NSMCE2: variants seen among roughly 807,000 people sequenced by gnomAD.
NSMCE2 encodes the protein NSE2 SUMO ligase component of SMC5/6 complex, also known as E3 SUMO-protein ligase NSE2.
In NSMCE2, 24 loss-of-function variants were observed where a neutral mutation model predicts 23.8. The observed-to-expected ratio is 1.01, with a 90% CI of 0.73 to 1.42. The LOEUF is 1.42. NSMCE2 is among the 40% of genes most tolerant of loss of function. The pLI is 0.00. For synonymous variants in NSMCE2, 92 were observed against 94.1 expected, an observed-to-expected ratio of 0.98 and a Z score of 0.13; for missense variants, 284 against 296.5, an observed-to-expected ratio of 0.96 and a Z score of 0.31.
At chr8:125,303,689 C>T (rs1828650395) in intron 5 of NSMCE2, among the ~76,000 whole-genome samples, 1 of 152,050 alleles carries the variant, frequency 6.6e-6, no homozygotes, top group Non-Finnish European at 1.5e-5. Flanking sequence ...ACATACTCAA[C>T]AAAAATGGAG....
chr8:125,231,293 A>G (rs150494408), intron 5 of NSMCE2, among the ~76,000 whole-genome samples: 143 of 152,350 alleles, frequency 9.4e-4, no homozygotes, highest in African/African-American at 3.2e-3. Flanking sequence ...ATGGTTGCTG[A>G]CATCCCTTCA....
At chr8:125,182,511 C>T (rs1167970838) in intron 5 of NSMCE2, 1 of 486,764 alleles carries the variant, frequency 2.1e-6, no homozygotes, top group African/African-American at 2.0e-5. Context: ...GTGTATTGTC[C>T]CATTGCTGGG....
intron 4 of NSMCE2, 157 bp downstream of exon 4, chr8:125,151,434 G>A (rs1489850166): frequency 6.8e-6 from 3 of 444,204 alleles, no homozygotes; most frequent in Admixed American, 3.8e-5. Flanking sequence ...TCATAAAATT[G>A]GAATCCTAAG....
chr8:125,151,246 A>T lies in NSMCE2; in HGVS notation c.233A>T (p.Tyr78Phe). ...ACATTGGATCGGCAACTAAACCATTATGTAAAGGCTGTTCAATCTACAATA... is the reference window on the plus strand; with the variant it reads ...ACATTGGATCGGCAACTAAACCATTTTGTAAAGGCTGTTCAATCTACAATA... ...FATLDRQLNH[Y>F]VKAVQSTINH... Residue 78 changes from tyrosine to phenylalanine, a missense_variant, in exon 4 of 8, where the codon TAT becomes TTT. Around this residue, in one of 2 missense-constraint regions of NSMCE2, gnomAD observed 182 missense variants for 155.5 expected, o/e 1.17. Transcript: ENST00000287437. 5 of 1,601,424 alleles carry T rather than the reference A, an allele frequency of 3.1e-6. No homozygotes were observed. Among genetic ancestry groups the T allele is most frequent in the Non-Finnish European group, 4.3e-6 (5 of 1,169,088 alleles).
intron 5 of NSMCE2, among the ~76,000 whole-genome samples, chr8:125,194,852 TTTTAA>T (rs1368776464): frequency 1.3e-5 from 2 of 152,270 alleles, no homozygotes; most frequent in African/African-American, 4.8e-5. Flanking sequence ...CTCATTGTGG[TTTTAA>T]TTTATGTTTT....
intron 4 of NSMCE2, among the ~76,000 whole-genome samples, chr8:125,166,167 AAATT>A (rs1486754161): frequency 5.3e-5 from 8 of 152,184 alleles, no homozygotes; most frequent in South Asian, 2.1e-4. Context: ...GGCACTTTGG[AAATT>A]AATTAATTCA....
chr8:125,314,637 C>G lies in NSMCE2; in HGVS notation c.419-42582C>G, dbSNP rs192872665. The stretch of plus-strand genomic sequence containing the variant: ...CGATCACTCCCTGAAAACAACCAAG[C>G]CAGGTGATGGTTGTCTACCAGTAAT... On this transcript the variant is annotated intron_variant, in intron 5 of 7. Transcript: ENST00000287437. Among the ~76,000 whole-genome samples the G allele has an allele frequency of 1.3e-3, 194 of 152,270 alleles. No homozygotes were observed. In the East Asian group the frequency reaches 0.019, roughly 15 times the overall value.
intron 3 of NSMCE2, among the ~76,000 whole-genome samples, chr8:125,139,282 C>T (rs996558984): frequency 1.3e-5 from 2 of 152,192 alleles, no homozygotes; most frequent in African/African-American, 4.8e-5. Context: ...CAGTGCTAGG[C>T]ACATGGTCTG....
At chr8:125,099,734 G>T (rs1440648267) in intron 1 of NSMCE2, among the ~76,000 whole-genome samples, 1 of 152,074 alleles carries the variant, frequency 6.6e-6, no homozygotes, top group African/African-American at 2.4e-5. Flanking sequence ...CCCTAGTGGG[G>T]GTGGGTTCCA....
At chr8:125,168,132 T>C (rs527288620) in intron 4 of NSMCE2, among the ~76,000 whole-genome samples, 1 of 152,318 alleles carries the variant, frequency 6.6e-6, no homozygotes, top group East Asian at 1.9e-4. Flanking sequence ...TTTTTTTTTG[T>C]GGACTACTTA....
At chr8:125,316,966 T>G (rs1829235514) in intron 5 of NSMCE2, among the ~76,000 whole-genome samples, 1 of 151,754 alleles carries the variant, frequency 6.6e-6, no homozygotes, top group South Asian at 2.1e-4. Flanking sequence ...TTCGTTTTTT[T>G]TTTAAGAGAT....
At chr8:125,184,375 G>GA (rs1046427721) in intron 5 of NSMCE2, among the ~76,000 whole-genome samples, 1 of 151,972 alleles carries the variant, frequency 6.6e-6, no homozygotes, top group African/African-American at 2.4e-5. Flanking sequence ...AATGGAGTTG[G>GA]AAAAAGAAAG....
intron 5 of NSMCE2, among the ~76,000 whole-genome samples, chr8:125,321,323 T>C (rs1829449228): frequency 6.6e-6 from 1 of 152,204 alleles, no homozygotes; most frequent in South Asian, 2.1e-4. Flanking sequence ...ATAATACCAA[T>C]GTTTGTATCA....
intron 7 of NSMCE2, among the ~76,000 whole-genome samples, chr8:125,364,643 T>C (rs888834818): frequency 3.9e-5 from 6 of 152,294 alleles, no homozygotes; most frequent in Middle Eastern, 3.4e-3. Flanking sequence ...GTGTGGGATA[T>C]ATGCAAGATA....
intron 4 of NSMCE2, among the ~76,000 whole-genome samples, chr8:125,151,581 T>C (rs531523027): frequency 2.0e-5 from 3 of 152,374 alleles, no homozygotes; most frequent in Non-Finnish European, 2.9e-5. Context: ...AAAAATTGCA[T>C]GCACCTTGTT....
At chr8:125,328,151 CTTTT>C (rs34667555) in intron 5 of NSMCE2, among the ~76,000 whole-genome samples, 1 of 141,648 alleles carries the variant, frequency 7.1e-6, no homozygotes. Flanking sequence ...TCTCACTGGC[CTTTT>C]TTTTTTTTTT....
At chr8:125,324,580 T>G (rs1342011581) in intron 5 of NSMCE2, among the ~76,000 whole-genome samples, 4 of 84,110 alleles carry the variant, frequency 4.8e-5, no homozygotes, top group East Asian at 3.8e-4. Flanking sequence ...TTCTTTTTTT[T>G]TTTTTTTTTT....
At chr8:125,349,154 G>T (rs79358795) in intron 5 of NSMCE2, among the ~76,000 whole-genome samples, 8,686 of 152,060 alleles carry the variant, frequency 0.057, 314 homozygotes, top group Non-Finnish European at 0.086. Flanking sequence ...CACAGGTGGG[G>T]TTACTGGTAG....
At chr8:125,166,946 G>C (rs1821915113) in intron 4 of NSMCE2, among the ~76,000 whole-genome samples, 1 of 152,152 alleles carries the variant, frequency 6.6e-6, no homozygotes, top group Non-Finnish European at 1.5e-5. Context: ...GGAGTATAAG[G>C]ATGCAGGGAG....
Sources: gnomAD v4.1 joint callset for allele counts (sites outside exome capture counted in the v4.1 genomes callset) on GRCh38, gnomAD v4.1.1 for gene constraint, gnomAD v4.1.1 regional missense constraint, MANE v1.5 for transcripts, NCBI Gene and HGNC (gene_info 2026-07-23, HGNC 2026-07-21) for gene names.